The following HELQ variants were observed in gnomAD, a reference collection of about 807,000 sequenced individuals.
HELQ encodes the protein helicase POLQ-like.
Under a neutral mutation model 111.6 loss-of-function variants are expected in HELQ, and 77 were observed. The observed-to-expected ratio is 0.69, with a 90% CI of 0.57 to 0.83. The LOEUF is 0.83. Among genes scored for constraint, HELQ ranks in the 40% least tolerant of loss-of-function variants. The probability of loss-of-function intolerance (pLI) is 0.00; values close to 1 mark genes in which losing one functional copy is unlikely to be tolerated. For missense variants in HELQ, 1,200 were observed against 1,288.5 expected (o/e 0.93, Z 1.05); for synonymous variants, 438 against 454.7 (o/e 0.96, Z 0.47).
At chr4:83,411,149 C>A (rs1331005893) in intron 17 of HELQ, among the ~76,000 whole-genome samples, 2 of 124,464 alleles carry the variant, frequency 1.6e-5, no homozygotes, top group African/African-American at 3.8e-5. Flanking sequence ...GAGAGGGAGA[C>A]CTTGTCTCAA....
Position 83,446,061 on chromosome 4 carries a change from C to G in HELQ, c.1418G>C (p.Arg473Pro), listed in dbSNP as rs550125548. Reference sequence around the variant, plus strand: ...TAGGGTCATTTCCAGTGTAGCTCCACGGCTTCCTTCACCAATCATGTGCAA... The same window carrying G: ...TAGGGTCATTTCCAGTGTAGCTCCAGGGCTTCCTTCACCAATCATGTGCAA... ...DELHMIGEGSRGATLEMTLAK... is the reference protein window; with the variant it reads ...DELHMIGEGSPGATLEMTLAK... Residue 473 changes from arginine to proline, a missense_variant, in exon 5 of 18, where the codon CGT becomes CCT. Arg to Pro is a moderately radical substitution (Grantham distance 103, BLOSUM62 -2). This residue lies in a region of HELQ where 610 missense variants were observed against 607.1 expected (regional missense o/e 1.00). Transcript: ENST00000295488. The G allele has an allele frequency of 3.7e-6, 6 of 1,613,392 alleles. No individual in the cohort carries two copies. The South Asian group carries it at 5.5e-5, about 15-fold the overall frequency.
At chr4:83,411,578 TG>T (rs1739098688) in intron 17 of HELQ, among the ~76,000 whole-genome samples, 1 of 151,758 alleles carries the variant, frequency 6.6e-6, no homozygotes, top group South Asian at 2.1e-4. Context: ...CACTCCAGCC[TG>T]GGTGACAGAG....
Position 83,416,704 on chromosome 4 carries a change from A to T in HELQ, c.3198+27T>A, listed in dbSNP as rs375662883. 3.1e-6 allele frequency: 5 copies of T among 1,607,760 alleles called. No homozygotes were observed. In the African/African-American group the frequency reaches 4.0e-5, roughly 13 times the overall value. ...GAAATAACACTACGCAAGATTATTA[A>T]GGTTAAAAAATGGTTTGTTTGCTTA... On this transcript the variant is annotated intron_variant, in intron 17 of 17. Coordinates refer to ENST00000295488, the MANE Select transcript of HELQ (RefSeq NM_133636.5).
At position 83,447,035 on chromosome 4, in the gene HELQ, T is replaced by C. The variant is rs766300148; in HGVS notation, c.1192A>G (p.Ile398Val). 6.9e-6 allele frequency: 11 copies of C among 1,603,074 alleles called. No homozygotes were observed. Among genetic ancestry groups the C allele is most frequent in the Admixed American group, 1.7e-5 (1 of 59,634 alleles). The change falls in exon 4 of 18, where the codon ATT (isoleucine) becomes GTT (valine). Residue 398 changes from isoleucine (I) to valine (V), a missense_variant and splice_region_variant. Physicochemically the swap from Ile to Val is conservative, Grantham distance 29. Coordinates refer to ENST00000295488, the MANE Select transcript of HELQ (RefSeq NM_133636.5). ...ATACCAAAACTTGACAAACCTGAAA[T>C]CTAGAATATTAGTTAAAATAAAGAA... ...LPYVAIVQEK[I>V]SGLSSFGIEL... is the part of the protein sequence containing the mutation.
intron 8 of HELQ, among the ~76,000 whole-genome samples, chr4:83,437,723 T>C (rs911259536): frequency 1.3e-5 from 2 of 152,154 alleles, no homozygotes; most frequent in African/African-American, 4.8e-5. Context: ...TTTGAATCCA[T>C]GGACACCAGG....
intron 6 of HELQ, among the ~76,000 whole-genome samples, chr4:83,442,236 T>C (rs2110002351): frequency 6.6e-6 from 1 of 151,314 alleles, no homozygotes; most frequent in African/African-American, 2.4e-5. Context: ...AATGTTCCTA[T>C]CTGGTTCAAA....
chr4:83,436,760 A>G, intron 9 of HELQ, 98 bp downstream of exon 9: 1 of 1,267,034 alleles, frequency 7.9e-7, no homozygotes, highest in Non-Finnish European at 1.1e-6. Context: ...CATTTGATAA[A>G]TTCTCATCCA....
chr4:83,409,049 T>C (rs1384094112), intron 17 of HELQ, among the ~76,000 whole-genome samples: 3 of 152,046 alleles, frequency 2.0e-5, no homozygotes. Context: ...AAATTTACAA[T>C]CTTGTAGGGC....
At position 83,446,981 on chromosome 4, in the gene HELQ, C is replaced by T; in HGVS notation, c.1246G>A (p.Ala416Thr). Residue 416 changes from alanine to threonine, a missense_variant, in exon 4 of 18, where the codon GCT becomes ACT. Transcript: ENST00000295488. ...IELGFFVEEY[A>T]GSKGRFPPTK... is the part of the protein sequence containing the mutation. ...GGAGGAAATCTTCCTTTGCTTCCAG[C>T]ATATTCTTCAACAAAGAAACCGAGT... is the stretch of plus-strand genomic sequence containing the variant. The T allele has an allele frequency of 6.2e-7, 1 of 1,613,574 alleles. No individual in the cohort carries two copies. The highest frequency in any genetic ancestry group is 8.5e-7 in the Non-Finnish European group (1 of 1,179,506).
chr4:83,432,907 A>C (rs1412678664), intron 9 of HELQ, among the ~76,000 whole-genome samples: 1 of 151,890 alleles, frequency 6.6e-6, no homozygotes, highest in African/African-American at 2.4e-5. Context: ...ACAACAACAA[A>C]AAACTGGCTG....
rs758229871 is a variant in HELQ at position 83,418,174 on chromosome 4, A to C, written c.2982T>G (p.Leu994=). 4 of 1,607,954 alleles carry C rather than the reference A, an allele frequency of 2.5e-6. No individual in the cohort carries two copies. The highest frequency in any genetic ancestry group is 3.3e-4 in the Middle Eastern group (2 of 6,046). The change falls in exon 16 of 18, where the codon CTT becomes CTG. Residue 994 remains leucine (L), a synonymous_variant. Transcript: ENST00000295488. ...TCAGCTTCTTGGTAAGTTCTACCAA[A>C]AGGGCTCTGTAAACCCAAAACTCCT... The part of the protein sequence containing the change: ...ELEEFWVYRA[L]LVELTKKLTY...
chr4:83,440,243 C>T (rs1720693498), intron 7 of HELQ, among the ~76,000 whole-genome samples: 1 of 151,564 alleles, frequency 6.6e-6, no homozygotes, highest in African/African-American at 2.4e-5. Flanking sequence ...AAAAAAAAAC[C>T]TAGAATTAAA....
At position 83,446,047 on chromosome 4, in the gene HELQ, C is replaced by T. The variant is rs760094217; in HGVS notation, c.1432G>A (p.Glu478Lys). Reference sequence around the variant, plus strand: ...TAGAGGATTTTTGCTAGGGTCATTTCCAGTGTAGCTCCACGGCTTCCTTCA... The same window carrying T: ...TAGAGGATTTTTGCTAGGGTCATTTTCAGTGTAGCTCCACGGCTTCCTTCA... ...IGEGSRGATL[E>K]MTLAKILYTS... Residue 478 changes from glutamate to lysine, a missense_variant, in exon 5 of 18, where the codon GAA (glutamate) becomes AAA (lysine). Physicochemically the swap from Glu to Lys is moderately conservative, Grantham distance 56. Coordinates refer to ENST00000295488, the MANE Select transcript of HELQ (RefSeq NM_133636.5). 9.3e-6 allele frequency: 15 copies of T among 1,613,282 alleles called. No homozygotes were observed. Among genetic ancestry groups the T allele is most frequent in the Non-Finnish European group, 1.3e-5 (15 of 1,179,458 alleles).
chr4:83,426,491 G>A (rs1451582048), intron 13 of HELQ, among the ~76,000 whole-genome samples: 1 of 151,222 alleles, frequency 6.6e-6, no homozygotes, highest in African/African-American at 2.4e-5. Context: ...TTAAAAATAT[G>A]ACATTAAAAA....
chr4:83,443,610 C>G lies in HELQ; in HGVS notation c.1470G>C (p.Thr490=). 2.0e-6 allele frequency: 3 copies of G among 1,479,634 alleles called. No individual in the cohort carries two copies. 91.7% of individuals were successfully genotyped at this position (1,479,634 alleles called of 1,614,324 possible). ...TLAKILYTSK[T]TQIIGMSATL... ...TTGCACTCATACCAATAATTTGAGT[C>G]GTTTCTAAAACACAAACAAACAAAA... Residue 490 remains threonine (T), a synonymous_variant, in exon 6 of 18, where the codon ACG becomes ACC. Transcript: ENST00000295488.
chr4:83,410,156 G>A (rs1247236233), intron 17 of HELQ, among the ~76,000 whole-genome samples: 2 of 152,160 alleles, frequency 1.3e-5, no homozygotes, highest in Non-Finnish European at 2.9e-5. Flanking sequence ...GGAGGCTAAG[G>A]TGGGATCACC....
chr4:83,455,768 G>T lies in HELQ; in HGVS notation c.-75C>A, dbSNP rs984997829. 1.4e-6 allele frequency: 2 copies of T among 1,403,102 alleles called. No homozygotes were observed. The highest frequency in any genetic ancestry group is 1.9e-6 in the Non-Finnish European group (2 of 1,026,478). The allele number at this position is 1,403,102 out of a possible 1,614,324, so 86.9% of individuals were successfully genotyped here. ...CTAAGCCCATATGGAAGGGAGAGTG[G>T]GACGCCGGAGCCCGCTTCTACATCC... On this transcript the variant is annotated 5_prime_UTR_variant, in exon 1 of 18. Coordinates refer to ENST00000295488, the MANE Select transcript of HELQ (RefSeq NM_133636.5).
At position 83,455,754 on chromosome 4, in the gene HELQ, T is replaced by C. The variant is rs993282016; in HGVS notation, c.-61A>G. 2.4e-5 allele frequency: 36 copies of C among 1,504,524 alleles called. No individual in the cohort carries two copies. In the African/African-American group the frequency reaches 4.1e-4, roughly 17 times the overall value. The allele number at this position is 1,504,524 out of a possible 1,614,324, so 93.2% of individuals were successfully genotyped here. A position where few individuals can be genotyped will look rare whatever the true frequency, so the allele number is the denominator to read the frequency against. ...CAGTGACCCAGACGCTAAGCCCATA[T>C]GGAAGGGAGAGTGGGACGCCGGAGC... On this transcript the variant is annotated 5_prime_UTR_variant, in exon 1 of 18. Coordinates refer to ENST00000295488, the MANE Select transcript of HELQ (RefSeq NM_133636.5).
At chr4:83,455,833 G>A (rs572950011), upstream of HELQ, 3 of 879,466 alleles carry the variant, frequency 3.4e-6, no homozygotes, top group African/African-American at 1.7e-5. Context: ...CAGGGCTCGC[G>A]GACCGGAAGC....
Sources: allele counts gnomAD v4.1 joint callset (sites outside exome capture counted in the v4.1 genomes callset), GRCh38; gene constraint gnomAD v4.1.1; regional missense constraint gnomAD v4.1.1; transcripts MANE v1.5; gene names NCBI Gene and HGNC (gene_info 2026-07-23, HGNC 2026-07-21).